The following PDE1A variants were observed in gnomAD, a reference collection of about 807,000 sequenced individuals.
PDE1A encodes phosphodiesterase 1A, also known as dual specificity calcium/calmodulin-dependent 3',5'-cyclic nucleotide phosphodiesterase 1A.
In PDE1A, 35 loss-of-function variants were observed where a neutral mutation model predicts 61.7. That is an observed-to-expected ratio of 0.57 (90% CI 0.43 to 0.75). The LOEUF (loss-of-function observed/expected upper bound fraction) is 0.75, where lower values mean the gene tolerates loss of function less well. Among genes scored for constraint, PDE1A ranks in the 30% least tolerant of loss-of-function variants. PDE1A has a pLI of 0.00. For missense variants in PDE1A, 597 were observed against 630.6 expected (o/e 0.95, Z 0.57); for synonymous variants, 232 against 213.2 (o/e 1.09, Z -0.77).
chr2:182,457,961 A>G (rs1172166274), intron 2 of PDE1A, among the ~76,000 whole-genome samples: 4 of 152,066 alleles, frequency 2.6e-5, no homozygotes, highest in African/African-American at 9.7e-5. Flanking sequence ...AGTAAAATTT[A>G]TGCTTAGGTT....
intron 4 of PDE1A, among the ~76,000 whole-genome samples, chr2:182,233,447 A>C (rs1689745508): frequency 6.6e-6 from 1 of 152,216 alleles, no homozygotes; most frequent in East Asian, 1.9e-4. Flanking sequence ...AATATAAAAA[A>C]AGCACCAAAG....
downstream of PDE1A, chr2:182,167,769 A>G: frequency 2.6e-6 from 1 of 383,782 alleles, no homozygotes; most frequent in Non-Finnish European, 3.6e-6. Context: ...ACTATAATAT[A>G]AACATGTTTT....
At chr2:182,418,073 A>G (rs148546294) in intron 1 of PDE1A, among the ~76,000 whole-genome samples, 1 of 152,338 alleles carries the variant, frequency 6.6e-6, no homozygotes, top group African/African-American at 2.4e-5. Context: ...GAGAATACAC[A>G]TTATAGCTAG....
In PDE1A at chr2:182,213,181, T is replaced by C. The variant is rs3104350; in HGVS notation, c.777-7116A>G. 2.3e-3 allele frequency among the ~76,000 whole-genome samples: 341 copies of C among 149,660 alleles called. 1 individual carries two copies. Among genetic ancestry groups the C allele is most frequent in the Non-Finnish European group, 3.7e-3 (250 of 67,278 alleles). On this transcript the variant is annotated intron_variant, in intron 7 of 13. Coordinates refer to ENST00000351439, the Ensembl canonical transcript of PDE1A. ...GACTGACACCTCACACGGCAGGGTA[T>C]TCCAACAGACCTGCAGCTGAGGGTC...
chr2:182,703,624 A>C, the PDE1A span, among the ~76,000 whole-genome samples: 1 of 152,206 alleles, frequency 6.6e-6, no homozygotes, highest in African/African-American at 2.4e-5. Context: ...CTCCTCACAT[A>C]GCCTGGGATC....
At chr2:182,679,156 C>T in the PDE1A span, among the ~76,000 whole-genome samples, 1 of 150,314 alleles carries the variant, frequency 6.7e-6, no homozygotes, top group East Asian at 1.9e-4. Context: ...AGGCACATGC[C>T]ACCATGCCTG....
At chr2:182,239,925 C>T (rs553602806) in intron 3 of PDE1A, among the ~76,000 whole-genome samples, 185 bp downstream of exon 3, 6 of 152,188 alleles carry the variant, frequency 3.9e-5, no homozygotes, top group African/African-American at 9.6e-5. Context: ...AGAATGCATC[C>T]GGGACCAGGT....
At chr2:182,716,514 T>A in the PDE1A span, 3 of 152,656 alleles carry the variant, frequency 2.0e-5, no homozygotes, top group Middle Eastern at 3.4e-3. Context: ...AGGGCTTTGC[T>A]GGAGCCGGTG....
chr2:182,570,581 C>A, the PDE1A span, among the ~76,000 whole-genome samples: 1 of 152,162 alleles, frequency 6.6e-6, no homozygotes, highest in African/African-American at 2.4e-5. Flanking sequence ...GAAGTTGTTT[C>A]TTAGAGCATA....
intron 1 of PDE1A, among the ~76,000 whole-genome samples, chr2:182,321,966 T>G (rs992914070): frequency 2.0e-5 from 3 of 152,200 alleles, no homozygotes; most frequent in Non-Finnish European, 4.4e-5. Flanking sequence ...AATGATGTTT[T>G]ACTCTGGATT....
At chr2:182,509,369 A>C (rs56303969) in intron 2 of PDE1A, among the ~76,000 whole-genome samples, 10,454 of 152,296 alleles carry the variant, frequency 0.069, 383 homozygotes, top group Middle Eastern at 0.1. Context: ...TGATAACTCC[A>C]TTTGGTATTC....
intron 1 of PDE1A, among the ~76,000 whole-genome samples, chr2:182,387,831 C>A (rs1701204590): frequency 6.6e-6 from 1 of 151,634 alleles, no homozygotes; most frequent in African/African-American, 2.4e-5. Flanking sequence ...AACAAAATGG[C>A]AGCAGTATCA....
intron 2 of PDE1A, among the ~76,000 whole-genome samples, chr2:182,450,696 AAAT>A (rs1259799585): frequency 1.3e-5 from 2 of 152,036 alleles, no homozygotes; most frequent in Admixed American, 1.3e-4. Flanking sequence ...CATGCTTTGG[AAAT>A]TATAATTTCT....
chr2:182,205,332 C>G (rs1687006921), intron 8 of PDE1A, among the ~76,000 whole-genome samples: 1 of 151,918 alleles, frequency 6.6e-6, no homozygotes, highest in Non-Finnish European at 1.5e-5. Context: ...ATGATAATGA[C>G]CAAAGGATCA....
intron 2 of PDE1A, among the ~76,000 whole-genome samples, chr2:182,448,647 G>A (rs1437240500): frequency 6.6e-6 from 1 of 152,028 alleles, no homozygotes; most frequent in Non-Finnish European, 1.5e-5. Context: ...TAATGACTGT[G>A]CATGCCAGCC....
the PDE1A span, among the ~76,000 whole-genome samples, chr2:182,548,583 G>T: frequency 2.0e-5 from 3 of 152,110 alleles, no homozygotes; most frequent in Non-Finnish European, 4.4e-5. Context: ...AGATTTTTAA[G>T]AATTTTTTTC....
At chr2:182,471,856 C>G (rs989757502) in intron 2 of PDE1A, among the ~76,000 whole-genome samples, 1 of 151,584 alleles carries the variant, frequency 6.6e-6, no homozygotes, top group East Asian at 1.9e-4. Context: ...TCAAACAACT[C>G]AACAACAAAA....
intron 2 of PDE1A, among the ~76,000 whole-genome samples, chr2:182,516,694 G>GAGGACGGGAGGAAGGA (rs1690175897): frequency 2.0e-5 from 1 of 50,984 alleles, no homozygotes; most frequent in Non-Finnish European, 3.8e-5. Flanking sequence ...GGAGGGAAGG[G>GAGGACGGGAGGAAGGA]AGGAAGGGAG....
At chr2:182,198,564 A>T (rs2125455987) in intron 10 of PDE1A, among the ~76,000 whole-genome samples, 1 of 151,924 alleles carries the variant, frequency 6.6e-6, no homozygotes, top group East Asian at 1.9e-4. Flanking sequence ...AATATTGTCA[A>T]ATGCATTTTG....
Sources: gnomAD v4.1 joint callset for allele counts (sites outside exome capture counted in the v4.1 genomes callset) on GRCh38, gnomAD v4.1.1 for gene constraint, MANE v1.5 for transcripts, NCBI Gene and HGNC (gene_info 2026-07-23, HGNC 2026-07-21) for gene names.